CTNNA3: variants seen among roughly 807,000 people sequenced by gnomAD.
CTNNA3 encodes catenin alpha 3.
CTNNA3 carries 76 observed loss-of-function variants against 95.7 expected under a neutral mutation model. That is an observed-to-expected ratio of 0.79 (90% CI 0.66 to 0.96). The LOEUF is 0.96. CTNNA3 is among the 40% of genes least tolerant of loss of function. The probability of loss-of-function intolerance (pLI) is 0.00; values close to 1 mark genes in which losing one functional copy is unlikely to be tolerated. For synonymous variants in CTNNA3, 431 were observed against 374.4 expected, an observed-to-expected ratio of 1.15 and a Z score of -1.74; for missense variants, 1,191 against 1,089.8, an observed-to-expected ratio of 1.09 and a Z score of -1.31.
chr10:65,936,091 C>A (rs1396029634), intron 17 of CTNNA3, among the ~76,000 whole-genome samples: 2 of 152,100 alleles, frequency 1.3e-5, no homozygotes, highest in African/African-American at 4.8e-5. Flanking sequence ...CCAGGGAAGA[C>A]AAATGACTAA....
intron 7 of CTNNA3, among the ~76,000 whole-genome samples, chr10:67,110,300 C>T (rs1417855540): frequency 6.6e-6 from 1 of 152,080 alleles, no homozygotes; most frequent in African/African-American, 2.4e-5. Flanking sequence ...TTAAGTTTCA[C>T]AATTGTTCTG....
At chr10:67,323,773 C>G (rs971511509) in intron 5 of CTNNA3, among the ~76,000 whole-genome samples, 1 of 151,954 alleles carries the variant, frequency 6.6e-6, no homozygotes, top group African/African-American at 2.4e-5. Context: ...GAAATAGCAT[C>G]AAATCTCTAA....
At chr10:66,224,643 T>A (rs1276550942) in intron 13 of CTNNA3, among the ~76,000 whole-genome samples, 5 of 152,146 alleles carry the variant, frequency 3.3e-5, no homozygotes, top group African/African-American at 9.7e-5. Context: ...ATGAAGGAAT[T>A]CATCTATACA....
In CTNNA3 at chr10:66,103,151, A is replaced by G. The variant is rs752753211; in HGVS notation, c.1977+6T>C. The G allele has an allele frequency of 1.2e-6, 2 of 1,610,404 alleles. No homozygotes were observed. Among genetic ancestry groups the G allele is most frequent in the Non-Finnish European group, 1.7e-6 (2 of 1,176,564 alleles). On this transcript the variant is annotated splice_donor_region_variant and intron_variant, in intron 14 of 17. Coordinates refer to ENST00000433211, the MANE Select transcript of CTNNA3 (RefSeq NM_013266.4). ...CATGGTTCTCCCACCAGTTGAAGTG[A>G]CATACCCTATCAGTTTTCCCTTCGG... is the stretch of plus-strand genomic sequence containing the variant.
chr10:67,749,326 C>G (rs1841392079), intron 1 of CTNNA3, among the ~76,000 whole-genome samples: 1 of 152,182 alleles, frequency 6.6e-6, no homozygotes, highest in Admixed American at 6.5e-5. Flanking sequence ...TGGATATCTA[C>G]AGAACTCTCC....
intron 7 of CTNNA3, among the ~76,000 whole-genome samples, chr10:66,978,688 T>A (rs1850226513): frequency 6.7e-6 from 1 of 149,294 alleles, no homozygotes; most frequent in Non-Finnish European, 1.5e-5. Context: ...CAAATAAAAA[T>A]TAGCAATTCA....
intron 9 of CTNNA3, among the ~76,000 whole-genome samples, chr10:66,759,669 C>G (rs1458748648): frequency 6.6e-6 from 1 of 152,134 alleles, no homozygotes; most frequent in African/African-American, 2.4e-5. Flanking sequence ...CATTATCTAC[C>G]TAGAACTGCA....
intron 10 of CTNNA3, among the ~76,000 whole-genome samples, chr10:66,571,947 T>C (rs1313998627): frequency 2.0e-5 from 3 of 152,220 alleles, no homozygotes; most frequent in East Asian, 1.9e-4. Context: ...GTATTCATAC[T>C]AGTTGTACAT....
intron 10 of CTNNA3, among the ~76,000 whole-genome samples, chr10:66,547,347 C>CT (rs1296263060): frequency 4.6e-5 from 5 of 109,284 alleles, no homozygotes; most frequent in African/African-American, 1.8e-4. Flanking sequence ...TTCTTTCTTT[C>CT]TTTTTTTTTT....
intron 1 of CTNNA3, among the ~76,000 whole-genome samples, chr10:67,667,212 C>G (rs991493141): frequency 6.6e-6 from 1 of 151,996 alleles, no homozygotes; most frequent in Non-Finnish European, 1.5e-5. Flanking sequence ...CATAAACATG[C>G]GGTATTATGA....
At chr10:66,467,568 A>AC (rs958607201) in intron 11 of CTNNA3, among the ~76,000 whole-genome samples, 40 of 152,134 alleles carry the variant, frequency 2.6e-4, no homozygotes, top group African/African-American at 8.9e-4. Context: ...GAGAGAGGAG[A>AC]CCATGCCCAG....
intron 1 of CTNNA3, among the ~76,000 whole-genome samples, chr10:67,732,243 A>G (rs1841279340): frequency 1.3e-5 from 2 of 152,076 alleles, no homozygotes; most frequent in South Asian, 4.1e-4. Flanking sequence ...GTGAACTTGT[A>G]TTTTTCAAAT....
intron 5 of CTNNA3, among the ~76,000 whole-genome samples, chr10:67,322,740 G>C (rs1184355796): frequency 6.6e-6 from 1 of 152,156 alleles, no homozygotes; most frequent in Non-Finnish European, 1.5e-5. Context: ...TATATACCCA[G>C]TATTTGAATT....
chr10:66,549,869 C>T (rs1842161358), intron 10 of CTNNA3, among the ~76,000 whole-genome samples: 1 of 152,080 alleles, frequency 6.6e-6, no homozygotes, highest in African/African-American at 2.4e-5. Context: ...TTTATTGAGA[C>T]TTATTTATGG....
intron 11 of CTNNA3, among the ~76,000 whole-genome samples, chr10:66,419,224 A>G (rs1316674232): frequency 1.3e-5 from 2 of 152,112 alleles, no homozygotes; most frequent in Non-Finnish European, 2.9e-5. Flanking sequence ...TCTATACACC[A>G]ATAATGAAAT....
At chr10:66,433,895 A>G (rs1200240347) in intron 11 of CTNNA3, among the ~76,000 whole-genome samples, 1 of 152,222 alleles carries the variant, frequency 6.6e-6, no homozygotes, top group African/African-American at 2.4e-5. Context: ...TTTATTAAAT[A>G]GGGAATCTTT....
chr10:67,592,259 CT>C (rs1328861012), intron 3 of CTNNA3, among the ~76,000 whole-genome samples: 1 of 152,124 alleles, frequency 6.6e-6, no homozygotes. Flanking sequence ...TTTACTTTGT[CT>C]TACTCAATCT....
At chr10:66,861,988 G>T (rs574773411) in intron 7 of CTNNA3, among the ~76,000 whole-genome samples, 1 of 152,186 alleles carries the variant, frequency 6.6e-6, no homozygotes, top group Non-Finnish European at 1.5e-5. Context: ...GCCAAGGAAG[G>T]CTTATGACCT....
rs569890037 is a variant in CTNNA3 at position 67,196,603 on chromosome 10, A to G, written c.844-16083T>C. ...TCATCTGATTTCACTCATTTCACCT[A>G]AGGTAGTAACGTCTTCTCCTAGGCA... On this transcript the variant is annotated intron_variant, in intron 6 of 17. Transcript: ENST00000433211. Among the ~76,000 whole-genome samples the G allele has an allele frequency of 6.6e-5, 10 of 152,192 alleles. No homozygotes were observed. In the East Asian group the frequency reaches 1.7e-3, roughly 26 times the overall value.
Sources: gnomAD v4.1 joint callset for allele counts (sites outside exome capture counted in the v4.1 genomes callset) on GRCh38, gnomAD v4.1.1 for gene constraint, MANE v1.5 for transcripts, NCBI Gene and HGNC (gene_info 2026-07-23, HGNC 2026-07-21) for gene names.